STXBP6: variants seen among roughly 807,000 people sequenced by gnomAD.
STXBP6 encodes syntaxin binding protein 6.
Under a neutral mutation model 26.9 loss-of-function variants are expected in STXBP6, and 21 were observed. The ratio of observed to expected loss-of-function variants is 0.78; its 90% CI spans 0.55 to 1.12. STXBP6 has a LOEUF of 1.12. Among genes scored for constraint, STXBP6 ranks in the 50% most tolerant of loss-of-function variants. STXBP6 has a pLI of 0.00. For synonymous variants in STXBP6, 97 were observed against 92.6 expected (o/e 1.05, Z -0.27); for missense variants, 232 against 257.9 (o/e 0.90, Z 0.69).
At chr14:25,037,357 A>G (rs2075573331) in intron 1 of STXBP6, among the ~76,000 whole-genome samples, 1 of 152,246 alleles carries the variant, frequency 6.6e-6, no homozygotes. Flanking sequence ...GAGGAGAGGC[A>G]GGGTAGGGAA....
In STXBP6 at chr14:24,857,116, T is replaced by C. The variant is rs1245555174; in HGVS notation, c.196A>G (p.Lys66Glu). ...KPTQASITKV[K>E]QFEGSTSFVR... is the part of the protein sequence containing the mutation. Reference sequence around the variant, plus strand: ...AATGATGTGGAGCCTTCAAACTGTTTGACCTTTGTGATGGACGCCTGTGTG... The same window carrying C: ...AATGATGTGGAGCCTTCAAACTGTTCGACCTTTGTGATGGACGCCTGTGTG... The change falls in exon 3 of 6, where the codon AAA becomes GAA. Residue 66 changes from lysine (K) to glutamate (E), a missense_variant. Coordinates refer to ENST00000323944, the MANE Select transcript of STXBP6 (RefSeq NM_001394410.1). 1 of 1,612,930 alleles carries C rather than the reference T, an allele frequency of 6.2e-7. No individual in the cohort carries two copies. The highest frequency in any genetic ancestry group is 8.5e-7 in the Non-Finnish European group (1 of 1,179,250).
At chr14:25,044,013 T>TA (rs143997409) in intron 1 of STXBP6, among the ~76,000 whole-genome samples, 1 of 150,808 alleles carries the variant, frequency 6.6e-6, no homozygotes, top group Middle Eastern at 3.4e-3. Flanking sequence ...CTACCAAAAA[T>TA]AAAAAAAATT....
In STXBP6 at chr14:24,922,929, T is replaced by C. The variant is rs906357099; in HGVS notation, c.154+51736A>G. Among the ~76,000 whole-genome samples the C allele has an allele frequency of 2.6e-5, 4 of 152,230 alleles. No homozygotes were observed. In the East Asian group the frequency reaches 7.7e-4, roughly 29 times the overall value. On this transcript the variant is annotated intron_variant, in intron 2 of 5. Transcript: ENST00000323944. ...CTATTCTAATCTTTAATATAATTTT[T>C]CTCTCTCGGTTAAGAAGGATTCCTT...
intron 2 of STXBP6, among the ~76,000 whole-genome samples, chr14:24,873,559 G>C (rs1392390135): frequency 6.6e-6 from 1 of 152,170 alleles, no homozygotes; most frequent in Non-Finnish European, 1.5e-5. Context: ...ATTGGTTTGG[G>C]ATTCTAATGA....
At chr14:24,875,811 G>A (rs931864067) in intron 2 of STXBP6, among the ~76,000 whole-genome samples, 1 of 152,158 alleles carries the variant, frequency 6.6e-6, no homozygotes, top group Middle Eastern at 3.2e-3. Flanking sequence ...GACACAAGGG[G>A]TAAGGGTGGC....
intron 2 of STXBP6, among the ~76,000 whole-genome samples, chr14:24,927,651 C>T (rs1041438494): frequency 2.0e-5 from 3 of 152,124 alleles, no homozygotes; most frequent in African/African-American, 7.2e-5. Flanking sequence ...TTTTGTGCTG[C>T]GACAGACACA....
intron 4 of STXBP6, 87 bp from the exon 5 acceptor site, chr14:24,819,281 G>T: frequency 2.6e-6 from 4 of 1,515,312 alleles, no homozygotes; most frequent in Non-Finnish European, 3.6e-6. Flanking sequence ...CCTGTAAGAG[G>T]AAGGCAGGTC....
intron 4 of STXBP6, among the ~76,000 whole-genome samples, chr14:24,838,973 C>G (rs1171796880): frequency 6.6e-6 from 1 of 151,904 alleles, no homozygotes; most frequent in Non-Finnish European, 1.5e-5. Flanking sequence ...TAAAAAAAAC[C>G]TAAACCATTA....
chr14:24,976,053 A>G (rs1303310273), intron 1 of STXBP6, among the ~76,000 whole-genome samples: 1 of 152,210 alleles, frequency 6.6e-6, no homozygotes, highest in Non-Finnish European at 1.5e-5. Flanking sequence ...AGACTGCTGT[A>G]AAACTGAGCC....
intron 2 of STXBP6, among the ~76,000 whole-genome samples, chr14:24,916,431 A>G (rs891774111): frequency 2.6e-5 from 4 of 152,134 alleles, no homozygotes; most frequent in African/African-American, 9.7e-5. Flanking sequence ...TCAGACACAC[A>G]TAAATTTGGT....
chr14:24,934,802 C>T (rs1343421409), intron 2 of STXBP6, among the ~76,000 whole-genome samples: 1 of 152,108 alleles, frequency 6.6e-6, no homozygotes, highest in Non-Finnish European at 1.5e-5. Context: ...AATAAAGTCA[C>T]TCTCTAAAAC....
intron 2 of STXBP6, among the ~76,000 whole-genome samples, chr14:24,934,284 A>G (rs762698816): frequency 1.3e-5 from 2 of 152,220 alleles, no homozygotes; most frequent in Admixed American, 6.5e-5. Context: ...TAACATTAAG[A>G]CTGAATAAAA....
chr14:24,957,275 T>G (rs1291346303), intron 2 of STXBP6, among the ~76,000 whole-genome samples: 1 of 152,182 alleles, frequency 6.6e-6, no homozygotes, highest in Non-Finnish European at 1.5e-5. Context: ...TGAAGGACAC[T>G]TGTAAGCATC....
intron 1 of STXBP6, among the ~76,000 whole-genome samples, chr14:25,047,740 G>A (rs1212149910): frequency 1.3e-5 from 2 of 152,166 alleles, no homozygotes; most frequent in African/African-American, 4.8e-5. Context: ...CTTTTTAACT[G>A]AGTGATAATC....
chr14:24,893,322 C>T (rs1345022439), intron 2 of STXBP6, among the ~76,000 whole-genome samples: 1 of 152,162 alleles, frequency 6.6e-6, no homozygotes, highest in Non-Finnish European at 1.5e-5. Context: ...ATCTTGGCCA[C>T]AAACCTAAAG....
chr14:24,952,630 C>T (rs2140067942), intron 2 of STXBP6, among the ~76,000 whole-genome samples: 1 of 152,230 alleles, frequency 6.6e-6, no homozygotes, highest in East Asian at 1.9e-4. Context: ...CTCTCTTTGT[C>T]ATTACAACAA....
At chr14:24,959,358 G>A (rs1224111724) in intron 2 of STXBP6, among the ~76,000 whole-genome samples, 1 of 152,184 alleles carries the variant, frequency 6.6e-6, no homozygotes, top group African/African-American at 2.4e-5. Context: ...GGGCACAAGA[G>A]GCGAATGGTA....
chr14:24,828,361 C>T (rs777074553), intron 4 of STXBP6, among the ~76,000 whole-genome samples: 1 of 152,058 alleles, frequency 6.6e-6, no homozygotes, highest in Non-Finnish European at 1.5e-5. Context: ...TATATGACTT[C>T]GTGGAAGCCA....
chr14:25,020,915 A>T (rs2140423992), intron 1 of STXBP6, among the ~76,000 whole-genome samples: 1 of 152,240 alleles, frequency 6.6e-6, no homozygotes, highest in East Asian at 1.9e-4. Flanking sequence ...ACAACTGTGC[A>T]CCTGGACACT....
Sources: gnomAD v4.1 joint callset for allele counts (sites outside exome capture counted in the v4.1 genomes callset) on GRCh38, gnomAD v4.1.1 for gene constraint, MANE v1.5 for transcripts, NCBI Gene and HGNC (gene_info 2026-07-23, HGNC 2026-07-21) for gene names.